The following MADD variants were observed in gnomAD, a reference collection of about 807,000 sequenced individuals.
MADD encodes the protein MAP kinase-activating death domain protein.
MADD carries 109 observed loss-of-function variants against 176.7 expected under a neutral mutation model. That is an observed-to-expected ratio of 0.62 (90% confidence interval 0.53 to 0.72). The LOEUF is 0.72. MADD is among the 30% of genes least tolerant of loss of function. The pLI is 0.00. For synonymous variants in MADD, 771 were observed against 771.3 expected (o/e 1.00, Z 0.01); for missense variants, 1,914 against 2,045.5 (o/e 0.94, Z 1.24).
At chr11:47,328,362 G>A (rs566828075) in intron 31 of MADD, 34 of 1,327,044 alleles carry the variant, frequency 2.6e-5, no homozygotes, top group African/African-American at 2.2e-4. Context: ...TGAAAGGCCC[G>A]TCCCTCCCAT....
chr11:47,269,582 C>T (rs1489355549), upstream of MADD: 2 of 152,172 alleles, frequency 1.3e-5, no homozygotes, highest in Non-Finnish European at 2.9e-5. Context: ...GACTGGACTC[C>T]ATCTCCCAGC....
chr11:47,308,529 G>A (rs1368117004), intron 22 of MADD, 62 bp from the exon 25 acceptor site: 1 of 1,220,706 alleles, frequency 8.2e-7, no homozygotes, highest in East Asian at 2.4e-5. Flanking sequence ...TGAAGTGCGT[G>A]GTTTCCTTTG....
chr11:47,319,675 T>C (rs990270374), intron 27 of MADD, among the ~76,000 whole-genome samples: 2 of 152,204 alleles, frequency 1.3e-5, no homozygotes, highest in Non-Finnish European at 2.9e-5. Flanking sequence ...TTTTTGCACT[T>C]ACGAAAGTGG....
chr11:47,329,011 C>A (rs750907921), intron 32 of MADD, 35 bp from the exon 37 acceptor site: 4 of 1,501,260 alleles, frequency 2.7e-6, no homozygotes, highest in African/African-American at 1.4e-5. Flanking sequence ...GGAGGAGTCT[C>A]AGTATCGTGA....
chr11:47,290,846 G>A (rs1445836039), intron 19 of MADD, 30 bp downstream of exon 20: 1 of 1,555,016 alleles, frequency 6.4e-7, no homozygotes, highest in South Asian at 1.1e-5. Flanking sequence ...GTGTGGTGGA[G>A]GGGTCCTGGC....
intron 8 of MADD, 52 bp from the exon 9 acceptor site, chr11:47,282,329 T>C: frequency 3.4e-6 from 5 of 1,489,322 alleles, no homozygotes; most frequent in South Asian, 1.1e-5. Context: ...CTTTGGATCA[T>C]GGGAATCCTT....
chr11:47,272,969 G>T (rs1236750968), intron 1 of MADD, among the ~76,000 whole-genome samples: 1 of 152,220 alleles, frequency 6.6e-6, no homozygotes, highest in Non-Finnish European at 1.5e-5. Flanking sequence ...AAGTGGTGCA[G>T]ATTAGGCAAT....
At chr11:47,326,446 C>CG in intron 30 of MADD, 98 bp from the exon 34 acceptor site, 1 of 996,988 alleles carries the variant, frequency 1.0e-6, no homozygotes, top group East Asian at 4.0e-5. Flanking sequence ...GCAGAGGGTA[C>CG]GGGCGGGCAG....
At chr11:47,286,576 A>G in intron 15 of MADD, 42 bp downstream of exon 15, 1 of 1,495,098 alleles carries the variant, frequency 6.7e-7, no homozygotes, top group Non-Finnish European at 9.3e-7. Flanking sequence ...TTTCTCCGGG[A>G]GATGTTTCGG....
chr11:47,303,667 G>A (rs2079974383), intron 22 of MADD, among the ~76,000 whole-genome samples: 1 of 142,746 alleles, frequency 7.0e-6, no homozygotes, highest in Non-Finnish European at 1.5e-5. Flanking sequence ...GTGTAGTAGT[G>A]TGATCTCAGC....
At chr11:47,312,403 C>T (rs2090153256) in intron 26 of MADD, among the ~76,000 whole-genome samples, 1 of 152,060 alleles carries the variant, frequency 6.6e-6, no homozygotes, top group Admixed American at 6.6e-5. Context: ...CATGTGCCCG[C>T]CCACCCAGCT....
At chr11:47,327,002 G>A (rs964121201) in intron 31 of MADD, 195 bp downstream of exon 35, 19 of 1,341,688 alleles carry the variant, frequency 1.4e-5, no homozygotes, top group East Asian at 8.2e-5. Flanking sequence ...ATAATGGATC[G>A]CAGAAGAGCA....
chr11:47,285,718 T>C (rs2060124631), intron 14 of MADD, 128 bp downstream of exon 14: 1 of 1,295,028 alleles, frequency 7.7e-7, no homozygotes, highest in East Asian at 2.3e-5. Flanking sequence ...CCTAATCCAG[T>C]CATTTGGGTG....
chr11:47,308,888 T>C (rs904869275), intron 23 of MADD, 92 bp from the exon 26 acceptor site: 14 of 1,266,822 alleles, frequency 1.1e-5, no homozygotes, highest in Non-Finnish European at 1.4e-5. Flanking sequence ...TGGACAAGAT[T>C]GGGTTTTGGT....
At chr11:47,280,137 C>T (rs2055024308) in intron 7 of MADD, among the ~76,000 whole-genome samples, 1 of 152,172 alleles carries the variant, frequency 6.6e-6, no homozygotes, top group Admixed American at 6.5e-5. Context: ...TGATTTTCTT[C>T]TTCCTCTGCA....
chr11:47,327,880 A>C (rs556949835), intron 31 of MADD: 87 of 984,562 alleles, frequency 8.8e-5, no homozygotes, highest in Non-Finnish European at 9.9e-5. Flanking sequence ...TGGGGGGCCT[A>C]CTCCTTCCTC....
intron 27 of MADD, among the ~76,000 whole-genome samples, chr11:47,320,069 CTTTT>C (rs551543837): frequency 1.5e-5 from 2 of 133,746 alleles, no homozygotes; most frequent in South Asian, 2.3e-4. Flanking sequence ...CTTTCCGTGT[CTTTT>C]TTTTTTTTTC....
chr11:47,311,370 G>C (rs926567897), intron 25 of MADD, among the ~76,000 whole-genome samples: 2 of 152,222 alleles, frequency 1.3e-5, no homozygotes, highest in South Asian at 2.1e-4. Flanking sequence ...ACCCAGTCTG[G>C]TGTTGCCACT....
chr11:47,290,777 AC>A lies in MADD; in HGVS notation c.3264del (p.Arg1089GlufsTer3). 1 of 1,613,436 alleles carries A rather than the reference AC, an allele frequency of 6.2e-7. No individual in the cohort carries two copies. The highest frequency in any genetic ancestry group is 8.5e-7 in the Non-Finnish European group (1 of 1,179,456). ...AGGAAAGGGTCCTAAGGAACTGGAC[AC>A]CAGAAGTTTAAAGGAAGAAAATTTT... On this transcript the variant is annotated frameshift_variant, in exon 19 of 33. Coordinates refer to ENST00000402192, the Ensembl canonical transcript of MADD. LOFTEE classifies it high-confidence loss of function.
Sources: gnomAD v4.1 joint callset for allele counts (sites outside exome capture counted in the v4.1 genomes callset) on GRCh38, gnomAD v4.1.1 for gene constraint, MANE v1.5 for transcripts, NCBI Gene and HGNC (gene_info 2026-07-23, HGNC 2026-07-21) for gene names.